The following S100Z variants were observed in gnomAD, a reference collection of about 807,000 sequenced individuals.
S100Z encodes S100 calcium binding protein Z, also known as protein S100-Z.
S100Z carries 11 observed loss-of-function variants against 8.5 expected under a neutral mutation model. That is an observed-to-expected ratio of 1.30 (90% CI 0.82 to 2.15). The LOEUF (loss-of-function observed/expected upper bound fraction) is 2.15, where lower values mean the gene tolerates loss of function less well. Among genes scored for constraint, S100Z ranks in the 30% most tolerant of loss-of-function variants. The pLI is 0.00. For missense variants in S100Z, 126 were observed against 117.9 expected (o/e 1.07, Z -0.32); for synonymous variants, 34 against 43.8 (o/e 0.78, Z 0.89).
the S100Z span, among the ~76,000 whole-genome samples, chr5:76,949,101 T>C: frequency 9.9e-5 from 15 of 152,190 alleles, no homozygotes; most frequent in East Asian, 5.8e-4. Flanking sequence ...AAAATAAAAG[T>C]TTTTAGGCCA....
intron 1 of S100Z, among the ~76,000 whole-genome samples, chr5:76,868,261 C>T (rs1399950461): frequency 6.6e-6 from 1 of 152,124 alleles, no homozygotes; most frequent in African/African-American, 2.4e-5. Flanking sequence ...AGAGGGCTGC[C>T]AGGTGCAGTC....
chr5:76,937,648 G>A, the S100Z span, among the ~76,000 whole-genome samples: 1 of 150,148 alleles, frequency 6.7e-6, no homozygotes, highest in Non-Finnish European at 1.5e-5. Flanking sequence ...AGCTACTCAG[G>A]AGGCTGAGAC....
chr5:76,886,458 G>A (rs564419274), intron 4 of S100Z, among the ~76,000 whole-genome samples: 33 of 152,266 alleles, frequency 2.2e-4, no homozygotes, highest in African/African-American at 3.1e-4. Context: ...ATTTAAAATC[G>A]GTGAGATGTT....
At chr5:76,948,152 C>G in the S100Z span, among the ~76,000 whole-genome samples, 6 of 141,454 alleles carry the variant, frequency 4.2e-5, no homozygotes, top group African/African-American at 8.6e-5. Context: ...AAGGTGACAC[C>G]CCGTCTCTAC....
intron 4 of S100Z, among the ~76,000 whole-genome samples, chr5:76,883,714 C>T (rs1401242329): frequency 6.6e-6 from 1 of 152,158 alleles, no homozygotes; most frequent in Non-Finnish European, 1.5e-5. Context: ...GTTCCAGGGG[C>T]TCCGGGAGTG....
At chr5:76,922,165 C>T (rs1243541885), downstream of S100Z, among the ~76,000 whole-genome samples, 1 of 152,084 alleles carries the variant, frequency 6.6e-6, no homozygotes, top group African/African-American at 2.4e-5. Context: ...GTCTTGTCTC[C>T]ACCCCCTCCC....
chr5:76,902,152 GAGCCTCC>G (rs1169138171), intron 4 of S100Z, among the ~76,000 whole-genome samples: 2 of 151,968 alleles, frequency 1.3e-5, no homozygotes, highest in African/African-American at 4.8e-5. Context: ...GTCTCTTTTG[GAGCCTCC>G]AGCTGTATAG....
chr5:76,945,898 A>G, the S100Z span, among the ~76,000 whole-genome samples: 11,978 of 152,138 alleles, frequency 0.079, 771 homozygotes, highest in African/African-American at 0.18. Flanking sequence ...TCAGTCTCTC[A>G]TCCCACCCGA....
chr5:76,920,777 T>C lies in S100Z; in HGVS notation c.*63T>C, dbSNP rs1198270811. On this transcript the variant is annotated 3_prime_UTR_variant, in exon 5 of 5. Coordinates refer to ENST00000317593, the MANE Select transcript of S100Z (RefSeq NM_130772.4). ...TGGAAAGCAGCATCCTTGAAAATCA[T>C]CGCTCTCAGGACGGGGTCTGCCTGG... 6.6e-6 allele frequency: 1 copy of C among 152,250 alleles called. No homozygotes were observed. The highest frequency in any genetic ancestry group is 2.4e-5 in the African/African-American group (1 of 41,464). The allele number at this position is 152,250 out of a possible 1,614,324, so 9.4% of individuals were successfully genotyped here.
chr5:76,889,812 A>G lies in S100Z; in HGVS notation c.*2+11978A>G, dbSNP rs1743796072. 2.0e-5 allele frequency among the ~76,000 whole-genome samples: 3 copies of G among 152,224 alleles called. No individual in the cohort carries two copies. The South Asian group carries it at 6.2e-4, about 31-fold the overall frequency. On this transcript the variant is annotated intron_variant, in intron 4 of 4. Transcript: ENST00000317593. ...TATGCCCGGGGGCACTGGCCTTTGC[A>G]TTTGCTGGAGTTTAAATAAATTTGA...
chr5:76,859,974 T>C (rs1392324901), intron 1 of S100Z, among the ~76,000 whole-genome samples: 2 of 152,116 alleles, frequency 1.3e-5, no homozygotes, highest in Non-Finnish European at 1.5e-5. Context: ...GAGAATCTGC[T>C]GGTTTTCTGG....
chr5:76,950,575 G>C, the S100Z span, among the ~76,000 whole-genome samples: 1 of 152,150 alleles, frequency 6.6e-6, no homozygotes, highest in South Asian at 2.1e-4. Context: ...AATAGTCGAA[G>C]ACCCAAAAAA....
rs1336476904 is a variant in S100Z, at chr5:76,871,138, T to C, written c.-57+854T>C. Among the ~76,000 whole-genome samples the C allele has an allele frequency of 2.0e-5, 3 of 152,168 alleles. No individual in the cohort carries two copies. In the East Asian group the frequency reaches 5.8e-4, roughly 29 times the overall value. On this transcript the variant is annotated intron_variant, in intron 2 of 4. Coordinates refer to ENST00000317593, the MANE Select transcript of S100Z (RefSeq NM_130772.4). ...ATACCAAATTCCAACCTCACTCTGG[T>C]AGCATCACATGACAGATAGCAGACC...
intron 4 of S100Z, among the ~76,000 whole-genome samples, chr5:76,910,089 C>T (rs556676969): frequency 1.3e-5 from 2 of 152,252 alleles, no homozygotes; most frequent in African/African-American, 4.8e-5. Flanking sequence ...GACCTGTGTT[C>T]TAGAAGGACT....
chr5:76,950,895 T>C, the S100Z span, among the ~76,000 whole-genome samples: 6 of 152,364 alleles, frequency 3.9e-5, no homozygotes, highest in South Asian at 8.3e-4. Context: ...CAAATTACTC[T>C]TCCATTTCTC....
chr5:76,873,270 AT>A (rs1487386031), intron 2 of S100Z, among the ~76,000 whole-genome samples: 2 of 152,014 alleles, frequency 1.3e-5, no homozygotes, highest in Non-Finnish European at 2.9e-5. Context: ...AGTATTCAAA[AT>A]ATTATTTTAC....
chr5:76,877,151 A>T (rs1443752715), intron 3 of S100Z, among the ~76,000 whole-genome samples: 1 of 152,162 alleles, frequency 6.6e-6, no homozygotes, highest in Non-Finnish European at 1.5e-5. Flanking sequence ...GGTATCTAGT[A>T]TTTTTATTTG....
At chr5:76,871,412 C>T (rs1743005527) in intron 2 of S100Z, among the ~76,000 whole-genome samples, 1 of 152,132 alleles carries the variant, frequency 6.6e-6, no homozygotes, top group Non-Finnish European at 1.5e-5. Context: ...TAAGAAGAAC[C>T]TTGGCTTCCA....
In S100Z at chr5:76,913,488, G is replaced by A. The variant is rs551355402; in HGVS notation, c.*3-7229G>A. ...AGGAAGGAGCCATCTTATAGAATCA[G>A]GAAGGAATTATCTATACCAATTCTA... On this transcript the variant is annotated intron_variant, in intron 4 of 4. Transcript: ENST00000317593. 2.2e-3 allele frequency among the ~76,000 whole-genome samples: 342 copies of A among 152,294 alleles called. 1 individual carries two copies. The highest frequency in any genetic ancestry group is 8.0e-3 in the African/African-American group (333 of 41,554).
Sources: allele counts gnomAD v4.1 joint callset (sites outside exome capture counted in the v4.1 genomes callset), GRCh38; gene constraint gnomAD v4.1.1; transcripts MANE v1.5; gene names NCBI Gene and HGNC (gene_info 2026-07-23, HGNC 2026-07-21).